Variants in SCCPDH observed in about 807,000 individuals in gnomAD.
The protein encoded by SCCPDH is saccharopine dehydrogenase (putative), also known as saccharopine dehydrogenase-like oxidoreductase.
A neutral mutation model predicts 51.5 loss-of-function variants in SCCPDH; 34 were observed. That is an observed-to-expected ratio of 0.66 (90% CI 0.50 to 0.88). SCCPDH has a LOEUF of 0.88. Ranked by LOEUF, SCCPDH falls within the 40% of genes least tolerant of loss-of-function variation. SCCPDH has a pLI of 0.00. For synonymous variants in SCCPDH, 187 were observed against 191.3 expected, an observed-to-expected ratio of 0.98 and a Z score of 0.19; for missense variants, 464 against 527.1, an observed-to-expected ratio of 0.88 and a Z score of 1.17.
chr1:246,751,776 C>CTTTTT (rs34218859), intron 5 of SCCPDH, among the ~76,000 whole-genome samples: 1 of 138,362 alleles, frequency 7.2e-6, no homozygotes, highest in Admixed American at 7.4e-5. Flanking sequence ...ATAAATTCTC[C>CTTTTT]TTTTTTTTTT....
intron 4 of SCCPDH, among the ~76,000 whole-genome samples, chr1:246,741,331 T>A (rs953449347): frequency 3.3e-5 from 5 of 152,152 alleles, no homozygotes; most frequent in Admixed American, 6.6e-5. Flanking sequence ...AGTGCCATTT[T>A]AAAAAGTTTT....
rs1668412391 is a variant in SCCPDH, at chr1:246,727,126, G to A, written c.303+122G>A. On this transcript the variant is annotated intron_variant, in intron 2 of 11. Transcript: ENST00000366510. ...GTTGAAGGCCTTAACCCCATATGGG[G>A]AGTTTTTTCTTCTTGCGAGGAGCAG... is the stretch of plus-strand genomic sequence containing the variant. 12 of 748,152 alleles carry A rather than the reference G, an allele frequency of 1.6e-5. No homozygotes were observed. The South Asian group carries it at 2.0e-4, about 12-fold the overall frequency. The allele number at this position is 748,152 out of a possible 1,614,324, so 46.3% of individuals were successfully genotyped here.
Position 246,756,473 on chromosome 1 carries a change from C to G in SCCPDH, c.565-1753C>G, listed in dbSNP as rs558073162. On this transcript the variant is annotated intron_variant, in intron 5 of 11. Coordinates refer to ENST00000366510, the MANE Select transcript of SCCPDH (RefSeq NM_016002.3). ...TAATAAAATTGTATTAGGTACGTCT[C>G]TATATTTTTCTGTGAAACGCAAATA... Among the ~76,000 whole-genome samples, 3 of 152,226 alleles carry G rather than the reference C, an allele frequency of 2.0e-5. No individual in the cohort carries two copies. The South Asian group carries it at 6.3e-4, about 32-fold the overall frequency.
intron 4 of SCCPDH, among the ~76,000 whole-genome samples, chr1:246,742,669 G>A (rs754335901): frequency 1.0e-3 from 158 of 152,238 alleles, no homozygotes; most frequent in Middle Eastern, 3.4e-3. Flanking sequence ...TGTTGATGAC[G>A]TGGTTATTTA....
At position 246,760,246 on chromosome 1, in the gene SCCPDH, A is replaced by C. The variant is rs949585961; in HGVS notation, c.990+19A>C. 5 of 1,581,800 alleles carry C rather than the reference A, an allele frequency of 3.2e-6. No homozygotes were observed. In the African/African-American group the frequency reaches 6.8e-5, roughly 22 times the overall value. On this transcript the variant is annotated intron_variant, in intron 9 of 11. Transcript: ENST00000366510. Reference sequence around the variant, plus strand: ...AAAACAGGTAATTTCTTTTGTATTAAGACACTAAAATAATATTTTTCTTTG... The same window carrying C: ...AAAACAGGTAATTTCTTTTGTATTACGACACTAAAATAATATTTTTCTTTG...
At chr1:246,766,246 T>A in intron 11 of SCCPDH, 107 bp downstream of exon 11, 1 of 749,804 alleles carries the variant, frequency 1.3e-6, no homozygotes, top group Non-Finnish European at 2.2e-6. Flanking sequence ...GCATTTATAG[T>A]TCAGTTCCTT....
chr1:246,737,483 AAAAAAC>A (rs1668612442), intron 3 of SCCPDH, among the ~76,000 whole-genome samples: 1 of 152,158 alleles, frequency 6.6e-6, no homozygotes, highest in South Asian at 2.1e-4. Flanking sequence ...CCCTGTCTCC[AAAAAAC>A]AAAAACAAAA....
intron 5 of SCCPDH, among the ~76,000 whole-genome samples, chr1:246,750,791 A>G (rs1285482972): frequency 6.6e-6 from 1 of 152,262 alleles, no homozygotes; most frequent in African/African-American, 2.4e-5. Context: ...TAGACGACCA[A>G]TTGGAGGCAT....
intron 3 of SCCPDH, among the ~76,000 whole-genome samples, chr1:246,738,951 A>G (rs1337649707): frequency 6.6e-6 from 1 of 152,232 alleles, no homozygotes; most frequent in Non-Finnish European, 1.5e-5. Context: ...ATTTATGTGC[A>G]AGCAGCTGTG....
chr1:246,740,243 C>G lies in SCCPDH; in HGVS notation c.456C>G (p.Ser152Arg). 6.2e-7 allele frequency: 1 copy of G among 1,609,154 alleles called. No homozygotes were observed. The highest frequency in any genetic ancestry group is 8.5e-7 in the Non-Finnish European group (1 of 1,176,278). ...AAGGGGTTTATATCATTGGAAGCAG[C>G]GGCTTTGACTCCATTCCAGCAGATC... ...ADKGVYIIGS[S>R]GFDSIPADLG... is the part of the protein sequence containing the mutation. The change falls in exon 4 of 12, where the codon AGC becomes AGG. Residue 152 changes from serine (S) to arginine (R), a missense_variant. Ser to Arg is a moderately radical substitution (Grantham distance 110, BLOSUM62 -1). Transcript: ENST00000366510.
chr1:246,728,745 A>G (rs1050359741), intron 2 of SCCPDH, among the ~76,000 whole-genome samples: 10 of 151,820 alleles, frequency 6.6e-5, no homozygotes, highest in African/African-American at 2.4e-4. Flanking sequence ...TCATCTTCCT[A>G]CCACCAGATC....
chr1:246,745,716 T>C (rs1668748501), intron 5 of SCCPDH, among the ~76,000 whole-genome samples: 1 of 152,158 alleles, frequency 6.6e-6, no homozygotes, highest in African/African-American at 2.4e-5. Context: ...TAAAGAGGTA[T>C]GTAAAATATG....
intron 2 of SCCPDH, among the ~76,000 whole-genome samples, 154 bp downstream of exon 2, chr1:246,727,158 A>G (rs1270871555): frequency 6.6e-6 from 1 of 152,214 alleles, no homozygotes; most frequent in Non-Finnish European, 1.5e-5. Context: ...GCAGCTGGAG[A>G]TGACCAAAGT....
chr1:246,737,791 C>T (rs150949868), intron 3 of SCCPDH, among the ~76,000 whole-genome samples: 1,708 of 152,154 alleles, frequency 0.011, 23 homozygotes, highest in African/African-American at 0.038. Flanking sequence ...AGGGTTTCAC[C>T]GTGTTGGCCA....
chr1:246,736,697 ACT>A (rs1228696894), intron 3 of SCCPDH, among the ~76,000 whole-genome samples: 2 of 151,588 alleles, frequency 1.3e-5, no homozygotes, highest in Non-Finnish European at 2.9e-5. Context: ...CGAGAGCGAG[ACT>A]CTGTCTCAAA....
chr1:246,736,430 G>A (rs925178865), intron 3 of SCCPDH, among the ~76,000 whole-genome samples: 5 of 152,094 alleles, frequency 3.3e-5, no homozygotes, highest in Admixed American at 1.3e-4. Flanking sequence ...GGCCGGGCAC[G>A]GTGGCTCACA....
chr1:246,724,895 C>T (rs1047661619), intron 1 of SCCPDH, among the ~76,000 whole-genome samples: 1 of 152,062 alleles, frequency 6.6e-6, no homozygotes, highest in Admixed American at 6.5e-5. Context: ...GTTTGGGGAG[C>T]TCCCCTGGCG....
chr1:246,763,886 A>G (rs1401320266), intron 9 of SCCPDH, among the ~76,000 whole-genome samples: 6 of 152,110 alleles, frequency 3.9e-5, no homozygotes, highest in Non-Finnish European at 7.3e-5. Context: ...TTATATACCT[A>G]TACTCCAGGC....
At chr1:246,724,679 G>A in intron 1 of SCCPDH, 67 bp downstream of exon 1, 1 of 1,356,618 alleles carries the variant, frequency 7.4e-7, no homozygotes, top group Non-Finnish European at 9.6e-7. Context: ...CGCCCCAAAC[G>A]AGCGTTTCTC....
Sources: gnomAD v4.1 joint callset for allele counts (sites outside exome capture counted in the v4.1 genomes callset) on GRCh38, gnomAD v4.1.1 for gene constraint, MANE v1.5 for transcripts, NCBI Gene and HGNC (gene_info 2026-07-23, HGNC 2026-07-21) for gene names.